Variants in PPP5C observed in about 807,000 individuals in gnomAD.
PPP5C encodes the protein protein phosphatase 5 catalytic subunit, also known as serine/threonine-protein phosphatase 5.
Under a neutral mutation model 66.7 loss-of-function variants are expected in PPP5C, and 21 were observed. That is an observed-to-expected ratio of 0.31 (90% confidence interval 0.22 to 0.45). The LOEUF is 0.45. PPP5C is among the 20% of genes least tolerant of loss of function. The pLI is 1.00. For missense variants in PPP5C, 464 were observed against 675.9 expected (o/e 0.69, Z 3.48); for synonymous variants, 246 against 257.4 (o/e 0.96, Z 0.43).
Position 46,383,717 on chromosome 19 carries a change from C to A in PPP5C, c.700-63C>A. ...TGTGAACTCTTACCCTTCCCCTCAC[C>A]TCTGCCCCCTCCCCACGTCTCTCTC... On this transcript the variant is annotated intron_variant, in intron 5 of 12. Coordinates refer to ENST00000012443, the MANE Select transcript of PPP5C (RefSeq NM_006247.4). The surrounding 1 kb of genome is among the most constrained non-coding windows in gnomAD (Gnocchi z 5.0). 1 of 1,362,480 alleles carries A rather than the reference C, an allele frequency of 7.3e-7. No homozygotes were observed. The highest frequency in any genetic ancestry group is 1.0e-6 in the Non-Finnish European group (1 of 953,454). 84.4% of individuals were successfully genotyped at this position (1,362,480 alleles called of 1,614,324 possible). A position where few individuals can be genotyped will look rare whatever the true frequency, so the allele number is the denominator to read the frequency against.
intron 2 of PPP5C, among the ~76,000 whole-genome samples, chr19:46,364,965 G>A (rs1450297904): frequency 1.3e-5 from 2 of 152,088 alleles, no homozygotes; most frequent in South Asian, 4.1e-4. Context: ...CAGTTTCAAT[G>A]AGCAGTTTCC....
At chr19:46,350,177 C>G (rs1367898911) in intron 1 of PPP5C, among the ~76,000 whole-genome samples, 1 of 152,050 alleles carries the variant, frequency 6.6e-6, no homozygotes, top group East Asian at 1.9e-4. Flanking sequence ...GCAGGAGAGG[C>G]CAGACCAGGG....
intron 2 of PPP5C, among the ~76,000 whole-genome samples, chr19:46,356,384 C>T (rs1159307231): frequency 2.6e-5 from 4 of 152,256 alleles, no homozygotes; most frequent in African/African-American, 9.6e-5. Context: ...AAGACTCTAC[C>T]TCCTGCTTGC....
intron 7 of PPP5C, among the ~76,000 whole-genome samples, chr19:46,385,505 C>T (rs532289593): frequency 3.9e-5 from 6 of 152,226 alleles, no homozygotes; most frequent in Non-Finnish European, 5.9e-5. Context: ...AAAGGCCAGG[C>T]GCAGTGGCTC....
rs150667064 is a variant in PPP5C at position 46,347,137 on chromosome 19, C to T, written c.41C>T (p.Pro14Leu). 1.9e-4 allele frequency: 312 copies of T among 1,605,038 alleles called. 1 individual carries two copies. The African/African-American group carries it at 3.0e-3, about 16-fold the overall frequency. Residue 14 changes from proline (P) to leucine (L), a missense_variant, in exon 1 of 13, where the codon CCC (proline) becomes CTC (leucine). This residue lies in a region of PPP5C where 77 missense variants were observed against 49.9 expected (regional missense o/e 1.54). Coordinates refer to ENST00000012443, the MANE Select transcript of PPP5C (RefSeq NM_006247.4). Reference sequence around the variant, plus strand: ...GGCGAGAGGACTGAGTGTGCTGAGCCCCCCCGGGACGAACCCCCGGCTGAT... The same window carrying T: ...GGCGAGAGGACTGAGTGTGCTGAGCTCCCCCGGGACGAACCCCCGGCTGAT... ...AEGERTECAE[P>L]PRDEPPADGA...
intron 1 of PPP5C, among the ~76,000 whole-genome samples, chr19:46,350,223 A>G (rs916127708): frequency 2.0e-5 from 3 of 152,160 alleles, no homozygotes; most frequent in African/African-American, 7.2e-5. Context: ...GGAGTGGCTG[A>G]ATCTGAGAGA....
chr19:46,366,048 CAA>C (rs1039812442), intron 2 of PPP5C, among the ~76,000 whole-genome samples: 4 of 152,106 alleles, frequency 2.6e-5, no homozygotes, highest in Non-Finnish European at 4.4e-5. Context: ...CCTCATCTGA[CAA>C]GAGAGGGGGT....
At chr19:46,390,172 C>G in intron 12 of PPP5C, 40 bp downstream of exon 12, 2 of 1,610,730 alleles carry the variant, frequency 1.2e-6, no homozygotes, top group Non-Finnish European at 1.7e-6. Flanking sequence ...TCCATCCCGG[C>G]CTGGGGACAA....
intron 4 of PPP5C, among the ~76,000 whole-genome samples, chr19:46,377,266 A>G (rs1266586384): frequency 6.6e-6 from 1 of 152,194 alleles, no homozygotes; most frequent in East Asian, 1.9e-4. Context: ...ACCTTCCCAC[A>G]TACTAGCTGT....
rs202178579 is a variant in PPP5C at position 46,383,896 on chromosome 19, G to A, written c.798+18G>A. ...ACCCCTATGTATCCTTCTCAGCAGA[G>A]CCACCCTCTCCCCACCTCCACCCCC... On this transcript the variant is annotated intron_variant, in intron 6 of 12. Transcript: ENST00000012443. The surrounding 1 kb of genome is among the most constrained non-coding windows in gnomAD (Gnocchi z 5.0). 3,784 of 1,581,664 alleles carry A rather than the reference G, an allele frequency of 2.4e-3. 8 individuals carry two copies. The highest frequency in any genetic ancestry group is 3.1e-3 in the Non-Finnish European group (3,575 of 1,150,774).
chr19:46,366,405 G>T (rs1278528949), intron 2 of PPP5C, among the ~76,000 whole-genome samples: 2 of 152,040 alleles, frequency 1.3e-5, no homozygotes, highest in African/African-American at 4.8e-5. Context: ...GAGTGCAGTG[G>T]CACCATCATT....
In PPP5C at chr19:46,384,719, C is replaced by T. The variant is rs1972852676; in HGVS notation, c.799-85C>T. 2.0e-5 allele frequency: 21 copies of T among 1,036,976 alleles called. No individual in the cohort carries two copies. In the South Asian group the frequency reaches 2.6e-4, roughly 13 times the overall value. 64.2% of individuals were successfully genotyped at this position (1,036,976 alleles called of 1,614,324 possible). On this transcript the variant is annotated intron_variant, in intron 6 of 12. Coordinates refer to ENST00000012443, the MANE Select transcript of PPP5C (RefSeq NM_006247.4). ...TTGAGGCCAGGCAGGAGCAGCCCAT[C>T]TGGCCCATCTTCTGCCACCACCCCC...
At chr19:46,377,437 ATGGGTTAGCTGT>A (rs1389754565) in intron 4 of PPP5C, among the ~76,000 whole-genome samples, 1 of 152,174 alleles carries the variant, frequency 6.6e-6, no homozygotes, top group Non-Finnish European at 1.5e-5. Flanking sequence ...AGTGCTCTGT[ATGGGTTAGCTGT>A]TGATCATGTT....
Position 46,389,395 on chromosome 19 carries a change from AC to A in PPP5C, c.1356-655del. 1.3e-4 allele frequency among the ~76,000 whole-genome samples: 2 copies of A among 15,482 alleles called. 1 individual carries two copies. Among genetic ancestry groups the A allele is most frequent in the African/African-American group, 3.5e-4 (2 of 5,702 alleles). 10.2% of individuals were successfully genotyped at this position (15,482 alleles called of 152,430 possible). ...CACACACACACACACACACACACAC[AC>A]ACACACACACACACACACACACACA... On this transcript the variant is annotated intron_variant, in intron 11 of 12. Transcript: ENST00000012443.
intron 2 of PPP5C, among the ~76,000 whole-genome samples, chr19:46,355,896 C>T (rs953403354): frequency 6.6e-6 from 1 of 152,014 alleles, no homozygotes; most frequent in Non-Finnish European, 1.5e-5. Context: ...GTCTTCATCT[C>T]GTGTGGGGCT....
intron 4 of PPP5C, among the ~76,000 whole-genome samples, chr19:46,380,675 T>A (rs544831643): frequency 2.0e-5 from 3 of 152,376 alleles, no homozygotes; most frequent in African/African-American, 7.2e-5. Context: ...GGGGTGTCTT[T>A]GCTGGATGTA....
chr19:46,382,686 A>T, intron 4 of PPP5C: 1 of 557,438 alleles, frequency 1.8e-6, no homozygotes. Context: ...AGTAAGTTGC[A>T]GCCATCATAA....
At chr19:46,374,366 A>G (rs1391831086) in intron 2 of PPP5C, among the ~76,000 whole-genome samples, 1 of 151,504 alleles carries the variant, frequency 6.6e-6, no homozygotes, top group African/African-American at 2.4e-5. Context: ...CGGCCCTGGG[A>G]CCTCCCAGTC....
At chr19:46,373,718 G>A (rs1972637007) in intron 2 of PPP5C, among the ~76,000 whole-genome samples, 1 of 152,076 alleles carries the variant, frequency 6.6e-6, no homozygotes, top group African/African-American at 2.4e-5. Context: ...GCCCTCACAG[G>A]GCCACCTTCC....
Sources: allele counts gnomAD v4.1 joint callset (sites outside exome capture counted in the v4.1 genomes callset), GRCh38; gene constraint gnomAD v4.1.1; regional missense constraint gnomAD v4.1.1; non-coding constraint Gnocchi (gnomAD v3.1); transcripts MANE v1.5; gene names NCBI Gene and HGNC (gene_info 2026-07-23, HGNC 2026-07-21).